Variants in MAP4K3 observed in about 807,000 individuals in gnomAD.
MAP4K3 encodes mitogen-activated protein kinase kinase kinase kinase 3.
Under a neutral mutation model 143.5 loss-of-function variants are expected in MAP4K3, and 94 were observed. That is an observed-to-expected ratio of 0.65 (90% confidence interval 0.55 to 0.78). The LOEUF is 0.78. Ranked by LOEUF, MAP4K3 falls within the 30% of genes least tolerant of loss-of-function variation. The pLI is 0.00. For missense variants in MAP4K3, 1,077 were observed against 1,068.1 expected, an observed-to-expected ratio of 1.01 and a Z score of -0.12; for synonymous variants, 416 against 347.2, an observed-to-expected ratio of 1.20 and a Z score of -2.20.
At chr2:39,331,879 T>A (rs757223163) in intron 8 of MAP4K3, 38 bp downstream of exon 8, 3 of 1,308,568 alleles carry the variant, frequency 2.3e-6, no homozygotes, top group Non-Finnish European at 3.2e-6. Context: ...CCAATAATGA[T>A]AGAACAAAGT....
chr2:39,394,698 T>C (rs183728631), intron 1 of MAP4K3, among the ~76,000 whole-genome samples: 1 of 152,094 alleles, frequency 6.6e-6, no homozygotes, highest in East Asian at 1.9e-4. Flanking sequence ...GAGAAAGAAA[T>C]GTAACACCAG....
chr2:39,288,581 T>C (rs1221005764), intron 19 of MAP4K3, among the ~76,000 whole-genome samples: 1 of 152,198 alleles, frequency 6.6e-6, no homozygotes, highest in Non-Finnish European at 1.5e-5. Flanking sequence ...CAAATAAAAA[T>C]ATTTTAGTCT....
chr2:39,403,945 G>C lies in MAP4K3; in HGVS notation c.97-25822C>G, dbSNP rs565656836. Among the ~76,000 whole-genome samples the C allele has an allele frequency of 1.1e-3, 166 of 151,562 alleles. 1 individual carries two copies. The highest frequency in any genetic ancestry group is 9.3e-3 in the Admixed American group (142 of 15,198). ...CGTGAAGCACCCATTCCAGGCCCTA[G>C]CTCCCAGATAATATTCTAGACACAC... is the stretch of plus-strand genomic sequence containing the variant. On this transcript the variant is annotated intron_variant, in intron 1 of 33. Coordinates refer to ENST00000263881, the MANE Select transcript of MAP4K3 (RefSeq NM_003618.4).
intron 19 of MAP4K3, 115 bp from the exon 20 acceptor site, chr2:39,288,395 C>T (rs1381588704): frequency 5.8e-6 from 5 of 868,330 alleles, no homozygotes; most frequent in Non-Finnish European, 7.0e-6. Context: ...TAGAGGTTTA[C>T]CAGATGAGTT....
chr2:39,354,814 A>C (rs1558662654), intron 3 of MAP4K3, among the ~76,000 whole-genome samples: 1 of 152,240 alleles, frequency 6.6e-6, no homozygotes, highest in Admixed American at 6.5e-5. Context: ...AGAATACCCT[A>C]GTCTTTTCTG....
intron 16 of MAP4K3, among the ~76,000 whole-genome samples, chr2:39,299,267 T>G (rs1318508491): frequency 6.6e-6 from 1 of 152,188 alleles, no homozygotes; most frequent in Admixed American, 6.5e-5. Context: ...ATTTATTTAC[T>G]GCATAGATTG....
At chr2:39,425,034 A>C (rs1428952360) in intron 1 of MAP4K3, among the ~76,000 whole-genome samples, 1 of 152,092 alleles carries the variant, frequency 6.6e-6, no homozygotes, top group Non-Finnish European at 1.5e-5. Flanking sequence ...AAGACCAAAA[A>C]GACTCATGAG....
At chr2:39,371,898 A>G (rs58005382) in intron 2 of MAP4K3, among the ~76,000 whole-genome samples, 10,660 of 150,138 alleles carry the variant, frequency 0.071, 549 homozygotes, top group African/African-American at 0.14. Context: ...CTTTATACAT[A>G]TAATATATAT....
intron 24 of MAP4K3, among the ~76,000 whole-genome samples, chr2:39,277,900 G>T (rs757045582): frequency 1.3e-5 from 2 of 151,854 alleles, no homozygotes; most frequent in Non-Finnish European, 2.9e-5. Context: ...ACGCTGGGGT[G>T]GGGTGGCTCA....
At chr2:39,312,474 G>A (rs541732095) in intron 13 of MAP4K3, among the ~76,000 whole-genome samples, 18 of 152,290 alleles carry the variant, frequency 1.2e-4, no homozygotes, top group African/African-American at 4.3e-4. Context: ...TTTTCTAACG[G>A]TTTGATTTCA....
intron 13 of MAP4K3, 23 bp downstream of exon 13, chr2:39,315,287 A>C (rs1683074701): frequency 6.9e-7 from 1 of 1,440,578 alleles, no homozygotes; most frequent in South Asian, 1.2e-5. Flanking sequence ...TTAAATCATA[A>C]ACTGTGTATA....
intron 12 of MAP4K3, among the ~76,000 whole-genome samples, chr2:39,316,174 G>T (rs2148505864): frequency 6.6e-6 from 1 of 152,078 alleles, no homozygotes; most frequent in East Asian, 1.9e-4. Context: ...AATTTGCAAA[G>T]AAGATTCACA....
intron 31 of MAP4K3, among the ~76,000 whole-genome samples, chr2:39,257,594 T>C (rs369287944): frequency 1.1e-4 from 17 of 151,462 alleles, no homozygotes; most frequent in African/African-American, 3.9e-4. Flanking sequence ...AGGTCAAGAG[T>C]TCGAGACCAG....
At chr2:39,344,004 G>A (rs1002308354) in intron 3 of MAP4K3, among the ~76,000 whole-genome samples, 15 of 152,066 alleles carry the variant, frequency 9.9e-5, no homozygotes, top group African/African-American at 2.2e-4. Context: ...GATTTATATA[G>A]GTCATTCCTT....
chr2:39,299,079 T>C (rs1020176645), intron 16 of MAP4K3, among the ~76,000 whole-genome samples: 27 of 152,134 alleles, frequency 1.8e-4, no homozygotes, highest in African/African-American at 5.1e-4. Context: ...GTTTTTATCA[T>C]AATTTATCCA....
intron 3 of MAP4K3, among the ~76,000 whole-genome samples, chr2:39,343,689 C>T (rs1426825255): frequency 6.6e-6 from 1 of 152,094 alleles, no homozygotes; most frequent in African/African-American, 2.4e-5. Flanking sequence ...AAGCTGTTAT[C>T]AGGCACATCC....
At chr2:39,358,903 G>C (rs1317674357) in intron 2 of MAP4K3, among the ~76,000 whole-genome samples, 2 of 152,122 alleles carry the variant, frequency 1.3e-5, no homozygotes, top group African/African-American at 4.8e-5. Flanking sequence ...TTCAAGATGA[G>C]ACATGCGTGG....
At chr2:39,389,387 C>A (rs1183740028) in intron 1 of MAP4K3, among the ~76,000 whole-genome samples, 1 of 152,032 alleles carries the variant, frequency 6.6e-6, no homozygotes, top group Non-Finnish European at 1.5e-5. Flanking sequence ...TTTCAAGACA[C>A]CATGGCTGAA....
At position 39,299,811 on chromosome 2, in the gene MAP4K3, C is replaced by T; in HGVS notation, c.1120-10G>A. The T allele has an allele frequency of 6.6e-7, 1 of 1,515,332 alleles. No homozygotes were observed. Among genetic ancestry groups the T allele is most frequent in the Non-Finnish European group, 8.9e-7 (1 of 1,118,918 alleles). The allele number at this position is 1,515,332 out of a possible 1,614,324, so 93.9% of individuals were successfully genotyped here. A position where few individuals can be genotyped will look rare whatever the true frequency, so the allele number is the denominator to read the frequency against. ...ATTCCAGTTGCAGATCCTAATAGTA[C>T]AAAATAAAATATTTAGCACAATAGT... On this transcript the variant is annotated splice_polypyrimidine_tract_variant and intron_variant, in intron 15 of 33. Transcript: ENST00000263881.
Sources: allele counts gnomAD v4.1 joint callset (sites outside exome capture counted in the v4.1 genomes callset), GRCh38; gene constraint gnomAD v4.1.1; transcripts MANE v1.5; gene names NCBI Gene and HGNC (gene_info 2026-07-23, HGNC 2026-07-21).